The following RNF13 variants were observed in gnomAD, a reference collection of about 807,000 sequenced individuals.
The protein encoded by RNF13 is E3 ubiquitin-protein ligase RNF13.
Under a neutral mutation model 37.7 loss-of-function variants are expected in RNF13, and 19 were observed. The ratio of observed to expected loss-of-function variants is 0.50; its 90% CI spans 0.35 to 0.74. RNF13 has a LOEUF of 0.74. RNF13 is among the 30% of genes least tolerant of loss of function. The probability of loss-of-function intolerance (pLI) is 0.01; values close to 1 mark genes in which losing one functional copy is unlikely to be tolerated. For missense variants in RNF13, 375 were observed against 453.0 expected (o/e 0.83, Z 1.56); for synonymous variants, 144 against 157.8 (o/e 0.91, Z 0.65).
At chr3:149,910,518 A>G (rs1716888946) in intron 6 of RNF13, among the ~76,000 whole-genome samples, 1 of 152,222 alleles carries the variant, frequency 6.6e-6, no homozygotes, top group Non-Finnish European at 1.5e-5. Context: ...AATAGCATAA[A>G]GATTTAAAAA....
At chr3:149,918,138 TC>T (rs760676521) in intron 7 of RNF13, among the ~76,000 whole-genome samples, 58 of 152,196 alleles carry the variant, frequency 3.8e-4, no homozygotes, top group Non-Finnish European at 7.2e-4. Flanking sequence ...ACTCAATAAA[TC>T]TAAAATATAT....
chr3:149,926,004 T>C (rs922506986), intron 8 of RNF13, among the ~76,000 whole-genome samples: 6 of 152,222 alleles, frequency 3.9e-5, no homozygotes, highest in African/African-American at 1.2e-4. Flanking sequence ...ATTTTCACTT[T>C]CACGAAGTAC....
At chr3:149,830,003 T>A (rs1179692679) in intron 1 of RNF13, among the ~76,000 whole-genome samples, 3 of 149,952 alleles carry the variant, frequency 2.0e-5, no homozygotes, top group African/African-American at 4.9e-5. Context: ...CCTTTGCTTC[T>A]CCTTTGCCTT....
chr3:149,936,540 A>AT (rs1308149030), intron 8 of RNF13, among the ~76,000 whole-genome samples: 1 of 151,870 alleles, frequency 6.6e-6, no homozygotes, highest in Non-Finnish European at 1.5e-5. Flanking sequence ...CAGCCAATGT[A>AT]TTTCACAGTT....
intron 2 of RNF13, among the ~76,000 whole-genome samples, chr3:149,849,914 G>A (rs1212594902): frequency 5.3e-5 from 8 of 151,998 alleles, no homozygotes; most frequent in Non-Finnish European, 1.5e-5. Flanking sequence ...CAAAATAAGT[G>A]GAGTCAAACT....
At position 149,939,416 on chromosome 3, in the gene RNF13, C is replaced by T. The variant is rs1720033317; in HGVS notation, c.700+18189C>T. 11 of 529,654 alleles carry T rather than the reference C, an allele frequency of 2.1e-5. 1 individual carries two copies. Among genetic ancestry groups the T allele is most frequent in the South Asian group, 1.6e-4 (11 of 66,916 alleles). 32.8% of individuals were successfully genotyped at this position (529,654 alleles called of 1,614,324 possible). On this transcript the variant is annotated intron_variant, in intron 8 of 9. Transcript: ENST00000392894. Reference sequence around the variant, plus strand: ...AACTTGAGTTTCACATACTCCTCTTCTTCATCTTCTGACTCTGCATCTTCC... The same window carrying T: ...AACTTGAGTTTCACATACTCCTCTTTTTCATCTTCTGACTCTGCATCTTCC...
intron 1 of RNF13, among the ~76,000 whole-genome samples, chr3:149,829,677 T>C (rs537900958): frequency 6.6e-6 from 1 of 152,228 alleles, no homozygotes; most frequent in South Asian, 2.1e-4. Flanking sequence ...TTTTGTTTTG[T>C]TTTGGTTTCT....
In RNF13 at chr3:149,846,092, G is replaced by A. The variant is rs761981547; in HGVS notation, c.66G>A (p.Gln22=). ...ATQVYTILTV[Q]LFAFLNLLPV... is the part of the protein sequence containing the mutation. ...AAGTCTACACCATCTTGACTGTCCA[G>A]CTCTTTGCATTCTTAAACCTACTGC... Residue 22 remains glutamine (Q), a synonymous_variant, in exon 2 of 10, where the codon CAG becomes CAA. Transcript: ENST00000392894. The A allele has an allele frequency of 6.2e-7, 1 of 1,613,178 alleles. No homozygotes were observed. Among genetic ancestry groups the A allele is most frequent in the East Asian group, 2.2e-5 (1 of 44,862 alleles).
At position 149,947,870 on chromosome 3, in the gene RNF13, T is replaced by C. The variant is rs369822253; in HGVS notation, c.701-12186T>C. ...TTCTTAAAGTCTATTCTGTTTGATATATGTATGGCCACTCCTGCTCTCCAG... is the reference window on the plus strand; with the variant it reads ...TTCTTAAAGTCTATTCTGTTTGATACATGTATGGCCACTCCTGCTCTCCAG... On this transcript the variant is annotated intron_variant, in intron 8 of 9. Transcript: ENST00000392894. Among the ~76,000 whole-genome samples, 5 of 152,300 alleles carry C rather than the reference T, an allele frequency of 3.3e-5. No homozygotes were observed. The East Asian group carries it at 5.8e-4, about 18-fold the overall frequency.
At chr3:149,887,956 G>C (rs953773264) in intron 4 of RNF13, among the ~76,000 whole-genome samples, 1 of 152,134 alleles carries the variant, frequency 6.6e-6, no homozygotes, top group Non-Finnish European at 1.5e-5. Context: ...AAAGTTGATT[G>C]GGAGCAAAAA....
At chr3:149,934,666 T>C (rs957018173) in intron 8 of RNF13, among the ~76,000 whole-genome samples, 1 of 152,128 alleles carries the variant, frequency 6.6e-6, no homozygotes, top group Non-Finnish European at 1.5e-5. Context: ...CCTTTTTTTT[T>C]TTTCCTGAGG....
At chr3:149,876,003 A>T (rs1474316514) in intron 4 of RNF13, among the ~76,000 whole-genome samples, 1 of 99,082 alleles carries the variant, frequency 1.0e-5, no homozygotes, top group South Asian at 3.0e-4. Context: ...ATACCTAGTA[A>T]TTGAAAGGCC....
intron 3 of RNF13, among the ~76,000 whole-genome samples, chr3:149,857,486 T>C (rs887066240): frequency 2.6e-5 from 4 of 152,322 alleles, no homozygotes; most frequent in Non-Finnish European, 5.9e-5. Context: ...ATTGGCTGTT[T>C]AGGAAGTTAC....
At chr3:149,947,646 C>T (rs779025461) in intron 8 of RNF13, among the ~76,000 whole-genome samples, 51 of 152,206 alleles carry the variant, frequency 3.4e-4, no homozygotes, top group Admixed American at 8.5e-4. Context: ...GTGATCCGAC[C>T]GCCTGGGCCT....
rs1559981489 is a variant in RNF13, at chr3:149,961,156, G to A, written c.*52G>A. ...CCTTTAAAATGATTAGGTATATACTGTAATTTGATTTTTTGCTCCCTTCAA... is the reference window on the plus strand; with the variant it reads ...CCTTTAAAATGATTAGGTATATACTATAATTTGATTTTTTGCTCCCTTCAA... On this transcript the variant is annotated 3_prime_UTR_variant, in exon 10 of 10. Transcript: ENST00000392894. 2.0e-6 allele frequency: 3 copies of A among 1,481,788 alleles called. No individual in the cohort carries two copies. In the South Asian group the frequency reaches 4.0e-5, roughly 20 times the overall value. The allele number at this position is 1,481,788 out of a possible 1,614,324, so 91.8% of individuals were successfully genotyped here.
intron 6 of RNF13, among the ~76,000 whole-genome samples, chr3:149,908,325 A>G (rs181929678): frequency 6.6e-6 from 1 of 152,090 alleles, no homozygotes; most frequent in Admixed American, 6.5e-5. Context: ...TCATGGACAT[A>G]TTTTCTCTTG....
At chr3:149,895,685 C>A in intron 5 of RNF13, 125 bp downstream of exon 5, 1 of 557,756 alleles carries the variant, frequency 1.8e-6, no homozygotes, top group Non-Finnish European at 3.2e-6. Context: ...CAGATAATCC[C>A]TCATTCTTAA....
chr3:149,913,050 A>G (rs554629167), intron 7 of RNF13, among the ~76,000 whole-genome samples: 1 of 152,180 alleles, frequency 6.6e-6, no homozygotes, highest in Non-Finnish European at 1.5e-5. Context: ...TAAAGAATAC[A>G]TATTTTCATA....
intron 1 of RNF13, among the ~76,000 whole-genome samples, chr3:149,827,536 A>G (rs901205890): frequency 1.3e-5 from 2 of 152,206 alleles, no homozygotes; most frequent in Non-Finnish European, 2.9e-5. Context: ...TTAAACACCT[A>G]ATACATTATA....
Sources: gnomAD v4.1 joint callset for allele counts (sites outside exome capture counted in the v4.1 genomes callset) on GRCh38, gnomAD v4.1.1 for gene constraint, MANE v1.5 for transcripts, NCBI Gene and HGNC (gene_info 2026-07-23, HGNC 2026-07-21) for gene names.